CDH18: variants seen among roughly 807,000 people sequenced by gnomAD.
CDH18 encodes cadherin-18.
CDH18 carries 31 observed loss-of-function variants against 67.9 expected under a neutral mutation model. The ratio of observed to expected loss-of-function variants is 0.46; its 90% CI spans 0.34 to 0.62. CDH18 has a LOEUF of 0.62. CDH18 is among the 20% of genes least tolerant of loss of function. CDH18 has a pLI of 0.01. For synonymous variants in CDH18, 362 were observed against 347.2 expected (o/e 1.04, Z -0.48); for missense variants, 890 against 975.5 (o/e 0.91, Z 1.17).
At chr5:19,650,762 A>G (rs554254407) in intron 5 of CDH18, among the ~76,000 whole-genome samples, 1 of 152,168 alleles carries the variant, frequency 6.6e-6, no homozygotes, top group African/African-American at 2.4e-5. Flanking sequence ...CTTTTCTAAG[A>G]AGCCTTATAT....
At chr5:19,689,256 G>C (rs991084032) in intron 5 of CDH18, among the ~76,000 whole-genome samples, 1 of 151,948 alleles carries the variant, frequency 6.6e-6, no homozygotes, top group African/African-American at 2.4e-5. Flanking sequence ...AATACAAATA[G>C]AAAATTCTAA....
chr5:19,962,378 C>CAAAAAAAAAAGAAAAAAA (rs1797000172), intron 2 of CDH18, among the ~76,000 whole-genome samples: 1 of 51,594 alleles, frequency 1.9e-5, no homozygotes, highest in Non-Finnish European at 3.3e-5. Context: ...CGTCAAAAAG[C>CAAAAAAAAAAGAAAAAAA]AAAAAAAAAA....
At chr5:20,314,158 TA>T (rs1338922028) in intron 1 of CDH18, among the ~76,000 whole-genome samples, 1 of 152,054 alleles carries the variant, frequency 6.6e-6, no homozygotes, top group East Asian at 1.9e-4. Flanking sequence ...AATTATTGCC[TA>T]AAATTATACT....
At chr5:20,254,570 T>C (rs1023404556) in intron 2 of CDH18, among the ~76,000 whole-genome samples, 2 of 151,806 alleles carry the variant, frequency 1.3e-5, no homozygotes, top group African/African-American at 4.8e-5. Flanking sequence ...CTTAAGGGAG[T>C]ACTAAGCATG....
chr5:20,180,894 T>C (rs1301908379), intron 2 of CDH18, among the ~76,000 whole-genome samples: 1 of 152,094 alleles, frequency 6.6e-6, no homozygotes, highest in Non-Finnish European at 1.5e-5. Flanking sequence ...AGACGGATCA[T>C]TGATATAACT....
chr5:20,482,390 T>C (rs1752875556), intron 1 of CDH18, among the ~76,000 whole-genome samples: 2 of 151,952 alleles, frequency 1.3e-5, no homozygotes, highest in South Asian at 2.1e-4. Context: ...CTCAAACTAT[T>C]ACAAAAAGTA....
chr5:20,514,059 C>A lies in CDH18; in HGVS notation c.-580+61403G>T, dbSNP rs149050837. The stretch of plus-strand genomic sequence containing the variant: ...TGTTATTATAAAACTTCTTTCCACA[C>A]TGTAAGGTAGGTAGAAAAAACAGTA... On this transcript the variant is annotated intron_variant, in intron 1 of 14. Coordinates refer to the CDH18 transcript ENST00000507958. 2.6e-4 allele frequency among the ~76,000 whole-genome samples: 40 copies of A among 152,176 alleles called. No homozygotes were observed. The East Asian group carries it at 7.3e-3, about 28-fold the overall frequency.
At chr5:20,327,848 G>A (rs185890177) in intron 1 of CDH18, among the ~76,000 whole-genome samples, 35 of 151,642 alleles carry the variant, frequency 2.3e-4, no homozygotes, top group African/African-American at 8.5e-4. Context: ...GACTGCCCTG[G>A]GCAACAGAGC....
At chr5:19,481,941 C>T (rs1009014157) in intron 12 of CDH18, among the ~76,000 whole-genome samples, 1 of 152,058 alleles carries the variant, frequency 6.6e-6, no homozygotes, top group Non-Finnish European at 1.5e-5. Flanking sequence ...CTTGTTATTA[C>T]AATACAGATT....
chr5:20,490,935 T>C (rs991658183), intron 1 of CDH18, among the ~76,000 whole-genome samples: 2 of 152,080 alleles, frequency 1.3e-5, no homozygotes, highest in Admixed American at 1.3e-4. Context: ...CATTAAATGA[T>C]GGGGGTATCC....
chr5:19,666,482 C>T (rs1054788762), intron 5 of CDH18, among the ~76,000 whole-genome samples: 5 of 151,682 alleles, frequency 3.3e-5, no homozygotes, highest in African/African-American at 4.8e-5. Context: ...GATGTCCATC[C>T]TGGGGGAATA....
At chr5:19,677,633 G>C (rs748257316) in intron 5 of CDH18, among the ~76,000 whole-genome samples, 3 of 151,680 alleles carry the variant, frequency 2.0e-5, no homozygotes, top group Non-Finnish European at 4.4e-5. Flanking sequence ...GAATGAAGAA[G>C]CAAGTCCAAA....
intron 1 of CDH18, among the ~76,000 whole-genome samples, chr5:20,449,641 CATGT>C (rs1308646170): frequency 2.0e-5 from 3 of 151,846 alleles, no homozygotes; most frequent in Non-Finnish European, 4.4e-5. Context: ...TACATATGTA[CATGT>C]ATGTACACAT....
intron 1 of CDH18, among the ~76,000 whole-genome samples, chr5:20,450,450 A>G (rs1279915925): frequency 2.6e-5 from 4 of 152,214 alleles, no homozygotes; most frequent in African/African-American, 9.7e-5. Flanking sequence ...ATTATTGCAC[A>G]TCATCCAAAT....
At chr5:20,522,828 C>T (rs115337842) in intron 1 of CDH18, among the ~76,000 whole-genome samples, 12 of 152,228 alleles carry the variant, frequency 7.9e-5, no homozygotes, top group African/African-American at 1.7e-4. Context: ...TTTATGCGCA[C>T]GCACTTGTAA....
Position 19,473,481 on chromosome 5 carries a change from G to C in CDH18, c.2118C>G (p.Thr706=), listed in dbSNP as rs778618719. 4 of 1,613,546 alleles carry C rather than the reference G, an allele frequency of 2.5e-6. No individual in the cohort carries two copies. Residue 706 remains threonine, a synonymous_variant, in exon 13 of 13, where the codon ACC becomes ACG. Coordinates refer to ENST00000382275, the MANE Select transcript of CDH18 (RefSeq NM_004934.5). ...KLTPRHQTSS[T]LESIDVQEFI... The stretch of plus-strand genomic sequence containing the variant: ...ATTCCTGAACATCTATGCTTTCCAG[G>C]GTGGATGATGTCTGGTGTCTGGGAG...
chr5:20,049,643 T>C (rs1741236938), intron 2 of CDH18, among the ~76,000 whole-genome samples: 1 of 151,822 alleles, frequency 6.6e-6, no homozygotes, highest in Non-Finnish European at 1.5e-5. Context: ...AGCACATGTA[T>C]ATTCTTTGGC....
At chr5:20,177,055 C>T (rs932419477) in intron 2 of CDH18, among the ~76,000 whole-genome samples, 1 of 151,956 alleles carries the variant, frequency 6.6e-6, no homozygotes, top group African/African-American at 2.4e-5. Context: ...TTGGGTTTCT[C>T]TCCATTTCTT....
At chr5:19,922,960 T>C (rs1216187316) in intron 2 of CDH18, among the ~76,000 whole-genome samples, 3 of 152,164 alleles carry the variant, frequency 2.0e-5, no homozygotes, top group Admixed American at 6.5e-5. Flanking sequence ...AAATTTAGAT[T>C]CAATGGCATT....
Sources: gnomAD v4.1 joint callset for allele counts (sites outside exome capture counted in the v4.1 genomes callset) on GRCh38, gnomAD v4.1.1 for gene constraint, MANE v1.5 for transcripts, NCBI Gene and HGNC (gene_info 2026-07-23, HGNC 2026-07-21) for gene names.